SNRPG: variants seen among roughly 807,000 people sequenced by gnomAD.
SNRPG encodes small nuclear ribonucleoprotein polypeptide G.
Under a neutral mutation model 13.9 loss-of-function variants are expected in SNRPG, and 3 were observed. The observed-to-expected ratio is 0.22, with a 90% CI of 0.10 to 0.56. SNRPG has a LOEUF of 0.56. Ranked by LOEUF, SNRPG falls within the 20% of genes least tolerant of loss-of-function variation. SNRPG has a pLI of 0.93. For synonymous variants in SNRPG, 29 were observed against 29.3 expected (o/e 0.99, Z 0.03); for missense variants, 34 against 96.1 (o/e 0.35, Z 2.70).
chr2:70,284,727 A>G (rs1696898213), intron 3 of SNRPG, among the ~76,000 whole-genome samples: 1 of 152,064 alleles, frequency 6.6e-6, no homozygotes, highest in African/African-American at 2.4e-5. Context: ...TTGGCAACAG[A>G]TATTGAACAT....
At chr2:70,291,083 A>G (rs999375963) in intron 1 of SNRPG, among the ~76,000 whole-genome samples, 2 of 151,804 alleles carry the variant, frequency 1.3e-5, no homozygotes, top group African/African-American at 4.8e-5. Context: ...CTATATTTTA[A>G]TAAGATACAT....
At chr2:70,282,986 C>T (rs187776501) in intron 3 of SNRPG, among the ~76,000 whole-genome samples, 3 of 149,526 alleles carry the variant, frequency 2.0e-5, no homozygotes, top group Non-Finnish European at 4.4e-5. Flanking sequence ...CCCAGCTACT[C>T]AGGAGGCTGA....
intron 3 of SNRPG, among the ~76,000 whole-genome samples, 179 bp from the exon 4 acceptor site, chr2:70,281,863 T>C (rs1011176795): frequency 1.9e-4 from 29 of 152,152 alleles, no homozygotes; most frequent in African/African-American, 6.3e-4. Context: ...ACAGACATCT[T>C]TTGGATTTAA....
At chr2:70,284,311 C>T (rs1349834663) in intron 3 of SNRPG, among the ~76,000 whole-genome samples, 3 of 152,122 alleles carry the variant, frequency 2.0e-5, no homozygotes, top group African/African-American at 4.8e-5. Context: ...GGACTATAGG[C>T]GCACATCACC....
chr2:70,283,109 A>AC (rs1559041502), intron 3 of SNRPG, among the ~76,000 whole-genome samples: 5 of 147,456 alleles, frequency 3.4e-5, no homozygotes, highest in African/African-American at 1.3e-4. Context: ...AAAAAAAAAA[A>AC]AAAAAAAAAA....
Position 70,289,313 on chromosome 2 carries a change from A to T in SNRPG, c.55+37T>A. The stretch of plus-strand genomic sequence containing the variant: ...TAAGACACATGTAAAAAGCAATTAA[A>T]TAATTAAAAAAAACCCCAAAACAAC... On this transcript the variant is annotated intron_variant, in intron 2 of 3. Transcript: ENST00000272348. 2.4e-6 allele frequency: 3 copies of T among 1,268,828 alleles called. 1 individual carries two copies. Among genetic ancestry groups the T allele is most frequent in the Middle Eastern group, 3.8e-4 (2 of 5,246 alleles). The allele number at this position is 1,268,828 out of a possible 1,614,324, so 78.6% of individuals were successfully genotyped here. A position where few individuals can be genotyped will look rare whatever the true frequency, so the allele number is the denominator to read the frequency against.
chr2:70,290,059 C>T (rs186645376), intron 1 of SNRPG, among the ~76,000 whole-genome samples: 22 of 144,874 alleles, frequency 1.5e-4, no homozygotes, highest in East Asian at 2.0e-4. Flanking sequence ...CAGGCTGGTC[C>T]TGAATTCCTG....
At chr2:70,287,892 T>G in intron 3 of SNRPG, 176 bp downstream of exon 3, 1 of 620,604 alleles carries the variant, frequency 1.6e-6, no homozygotes, top group Non-Finnish European at 2.9e-6. Context: ...AGATCTTACC[T>G]ACAGGTAACC....
intron 3 of SNRPG, chr2:70,287,765 G>A: frequency 2.3e-6 from 1 of 438,156 alleles, no homozygotes; most frequent in Non-Finnish European, 4.1e-6. Flanking sequence ...ACACATTAAG[G>A]TTTCAGAACT....
intron 2 of SNRPG, among the ~76,000 whole-genome samples, chr2:70,289,020 G>A (rs1697012495): frequency 6.6e-6 from 1 of 151,900 alleles, no homozygotes; most frequent in Non-Finnish European, 1.5e-5. Flanking sequence ...CCGCCATCTT[G>A]GCTCACTGCA....
intron 3 of SNRPG, among the ~76,000 whole-genome samples, chr2:70,287,051 T>G (rs1696959046): frequency 6.6e-6 from 1 of 152,202 alleles, no homozygotes; most frequent in Admixed American, 6.5e-5. Flanking sequence ...ATCTGGAGAC[T>G]CTAAACTGTT....
rs556466434 is a variant in SNRPG, at chr2:70,288,986, T to C, written c.55+364A>G. ...TTTTTTTTGAGACGGAGTCTAGCTC[T>C]ATAGCCCAGGCTGGAGTGCAGTACC... On this transcript the variant is annotated intron_variant, in intron 2 of 3. Transcript: ENST00000272348. Among the ~76,000 whole-genome samples, 20 of 152,344 alleles carry C rather than the reference T, an allele frequency of 1.3e-4. No homozygotes were observed. The East Asian group carries it at 3.5e-3, about 26-fold the overall frequency.
intron 3 of SNRPG, among the ~76,000 whole-genome samples, chr2:70,283,349 G>A (rs2104910397): frequency 6.6e-6 from 1 of 152,074 alleles, no homozygotes; most frequent in Admixed American, 6.6e-5. Flanking sequence ...GGAAAGAATA[G>A]GTAATGTAGG....
At chr2:70,283,122 A>AAAAAAAAAAAAAGAAAAAAAAC (rs1241967786) in intron 3 of SNRPG, among the ~76,000 whole-genome samples, 1 of 82,962 alleles carries the variant, frequency 1.2e-5, no homozygotes, top group African/African-American at 4.1e-5. Context: ...AAAAAAAAAA[A>AAAAAAAAAAAAAGAAAAAAAAC]AACAACAAAC....
At chr2:70,292,097 G>A (rs750231239) in intron 1 of SNRPG, among the ~76,000 whole-genome samples, 31 of 150,894 alleles carry the variant, frequency 2.1e-4, no homozygotes, top group Non-Finnish European at 4.0e-4. Flanking sequence ...ACAAGCGCCC[G>A]CCACCAAGCC....
chr2:70,293,590 C>T, intron 1 of SNRPG, 28 bp downstream of exon 1: 1 of 1,606,462 alleles, frequency 6.2e-7, no homozygotes, highest in Non-Finnish European at 8.5e-7. Context: ...TAACTGACCA[C>T]TTCGGTTTGG....
At chr2:70,284,904 A>G (rs1696901192) in intron 3 of SNRPG, among the ~76,000 whole-genome samples, 2 of 152,192 alleles carry the variant, frequency 1.3e-5, no homozygotes. Flanking sequence ...CCAGCAACAG[A>G]CATCCGTAAG....
At position 70,288,317 on chromosome 2, in the gene SNRPG, A is replaced by G. The variant is rs1188945017; in HGVS notation, c.56-125T>C. The G allele has an allele frequency of 8.2e-6, 6 of 734,720 alleles. No individual in the cohort carries two copies. The East Asian group carries it at 1.3e-4, about 16-fold the overall frequency. The allele number at this position is 734,720 out of a possible 1,614,324, so 45.5% of individuals were successfully genotyped here. On this transcript the variant is annotated intron_variant, in intron 2 of 3. Coordinates refer to ENST00000272348, the MANE Select transcript of SNRPG (RefSeq NM_003096.4). ...TGAAACCCACTATCCTTACTGTATG[A>G]CAAGAACTGGGTTAAACATTTTTGT...
chr2:70,283,524 T>C (rs1378435527), intron 3 of SNRPG, among the ~76,000 whole-genome samples: 1 of 152,232 alleles, frequency 6.6e-6, no homozygotes, highest in Non-Finnish European at 1.5e-5. Flanking sequence ...CGCTATGATT[T>C]ATTGTGTTCT....
Sources: gnomAD v4.1 joint callset for allele counts (sites outside exome capture counted in the v4.1 genomes callset) on GRCh38, gnomAD v4.1.1 for gene constraint, MANE v1.5 for transcripts, NCBI Gene and HGNC (gene_info 2026-07-23, HGNC 2026-07-21) for gene names.